DTNB: variants seen among roughly 807,000 people sequenced by gnomAD.
DTNB encodes DTN-B.
A neutral mutation model predicts 90.7 loss-of-function variants in DTNB; 63 were observed. That is an observed-to-expected ratio of 0.69 (90% CI 0.57 to 0.86). DTNB has a LOEUF of 0.86. Among genes scored for constraint, DTNB ranks in the 40% least tolerant of loss-of-function variants. The probability of loss-of-function intolerance (pLI) is 0.00; values close to 1 mark genes in which losing one functional copy is unlikely to be tolerated. For synonymous variants in DTNB, 277 were observed against 286.7 expected (o/e 0.97, Z 0.34); for missense variants, 744 against 807.1 (o/e 0.92, Z 0.95).
At chr2:25,458,067 T>C (rs2060322781) in intron 10 of DTNB, among the ~76,000 whole-genome samples, 1 of 152,076 alleles carries the variant, frequency 6.6e-6, no homozygotes, top group Non-Finnish European at 1.5e-5. Flanking sequence ...TCTCTTGACC[T>C]TGTGATCCAC....
chr2:25,500,660 A>C (rs2070370113), intron 9 of DTNB, among the ~76,000 whole-genome samples: 1 of 152,208 alleles, frequency 6.6e-6, no homozygotes, highest in Non-Finnish European at 1.5e-5. Flanking sequence ...TCAGCTGCAG[A>C]AGTAGTCCAG....
At chr2:25,541,097 T>G (rs1023074917) in intron 8 of DTNB, among the ~76,000 whole-genome samples, 8 of 144,500 alleles carry the variant, frequency 5.5e-5, no homozygotes, top group African/African-American at 2.0e-4. Flanking sequence ...ATTCATGGTA[T>G]AGAAAATAAT....
intron 12 of DTNB, among the ~76,000 whole-genome samples, chr2:25,435,662 T>C (rs923286980): frequency 2.0e-5 from 3 of 152,238 alleles, no homozygotes; most frequent in African/African-American, 7.2e-5. Flanking sequence ...TTTGGGTTGT[T>C]ACCACTTTTC....
chr2:25,431,079 T>C (rs1246626085), intron 14 of DTNB, among the ~76,000 whole-genome samples: 1 of 152,194 alleles, frequency 6.6e-6, no homozygotes, highest in Non-Finnish European at 1.5e-5. Flanking sequence ...CCTTTATGTG[T>C]CTTTTGATAA....
intron 9 of DTNB, among the ~76,000 whole-genome samples, chr2:25,527,528 A>G (rs1163633521): frequency 2.0e-5 from 3 of 152,164 alleles, no homozygotes; most frequent in Non-Finnish European, 4.4e-5. Context: ...TCAAAAAAAA[A>G]AGAGAAAGAA....
chr2:25,652,547 AAC>A, intron 2 of DTNB, 45 bp downstream of exon 2: 1 of 1,556,002 alleles, frequency 6.4e-7, no homozygotes, highest in Admixed American at 2.1e-5. Context: ...AAAAAAAAAA[AAC>A]CACACAAACA....
chr2:25,449,824 G>A (rs1405353511), intron 12 of DTNB, among the ~76,000 whole-genome samples: 3 of 149,202 alleles, frequency 2.0e-5, no homozygotes, highest in Non-Finnish European at 4.4e-5. Flanking sequence ...GTACAGTGGC[G>A]TGATCTTGGC....
At chr2:25,406,092 G>A (rs895851527) in intron 16 of DTNB, among the ~76,000 whole-genome samples, 21 of 152,064 alleles carry the variant, frequency 1.4e-4, no homozygotes, top group African/African-American at 5.1e-4. Flanking sequence ...GGCATCAGCA[G>A]AAGCAGGAAA....
At chr2:25,609,561 T>G (rs1467028493) in intron 4 of DTNB, among the ~76,000 whole-genome samples, 10 of 150,258 alleles carry the variant, frequency 6.7e-5, no homozygotes, top group Admixed American at 1.3e-4. Context: ...TAGCATCATC[T>G]CTTGTTGCCT....
At chr2:25,543,044 T>A (rs1034660305) in intron 8 of DTNB, among the ~76,000 whole-genome samples, 1 of 152,212 alleles carries the variant, frequency 6.6e-6, no homozygotes, top group Non-Finnish European at 1.5e-5. Flanking sequence ...AATTTTGTCT[T>A]TTTATCTTTG....
chr2:25,576,789 A>G (rs1040981912), intron 8 of DTNB, 49 bp downstream of exon 8: 1 of 1,545,412 alleles, frequency 6.5e-7, no homozygotes, highest in Non-Finnish European at 8.8e-7. Flanking sequence ...GCTGTTACTG[A>G]TCAAACAGAT....
At chr2:25,532,245 C>CAAAAAAAAAAAAAAAAAAA (rs11352371) in intron 8 of DTNB, among the ~76,000 whole-genome samples, 1 of 74,304 alleles carries the variant, frequency 1.3e-5, no homozygotes, top group Non-Finnish European at 2.9e-5. Flanking sequence ...AACTCTGTCT[C>CAAAAAAAAAAAAAAAAAAA]AAAAAAAAAA....
At chr2:25,431,426 T>C (rs1162354971) in intron 14 of DTNB, among the ~76,000 whole-genome samples, 3 of 152,218 alleles carry the variant, frequency 2.0e-5, no homozygotes, top group Admixed American at 6.5e-5. Context: ...GTTTTGTACA[T>C]AGGCATAGAA....
At chr2:25,632,192 C>CAA (rs71399307) in intron 3 of DTNB, among the ~76,000 whole-genome samples, 35,601 of 76,368 alleles carry the variant, frequency 0.47, 7,781 homozygotes, top group East Asian at 0.69. Flanking sequence ...GACTCTGTCT[C>CAA]AAAAAAAAAA....
At chr2:25,468,071 G>GGA (rs2062121182) in intron 10 of DTNB, among the ~76,000 whole-genome samples, 1 of 152,100 alleles carries the variant, frequency 6.6e-6, no homozygotes, top group African/African-American at 2.4e-5. Flanking sequence ...ATATCTGAGA[G>GGA]GAGTTCGGGA....
rs118109913 is a variant in DTNB, at chr2:25,559,019, T to C, written c.876+17819A>G. Reference sequence around the variant, plus strand: ...AAAAAGATGAACCCAGAGCCCTGCATGTTCCTGGCAACCAACACCCTCTCA... The same window carrying C: ...AAAAAGATGAACCCAGAGCCCTGCACGTTCCTGGCAACCAACACCCTCTCA... On this transcript the variant is annotated intron_variant, in intron 8 of 20. Transcript: ENST00000406818. Among the ~76,000 whole-genome samples the C allele has an allele frequency of 1.8e-3, 281 of 152,336 alleles. 5 individuals carry two copies. The East Asian group carries it at 0.028, about 15-fold the overall frequency.
At chr2:25,407,485 A>G (rs1413734104) in intron 16 of DTNB, among the ~76,000 whole-genome samples, 1 of 152,242 alleles carries the variant, frequency 6.6e-6, no homozygotes, top group Admixed American at 6.5e-5. Flanking sequence ...TGTTTACTGC[A>G]GCCCAGTTCA....
At chr2:25,417,328 A>G (rs2048229048) in intron 16 of DTNB, among the ~76,000 whole-genome samples, 1 of 152,186 alleles carries the variant, frequency 6.6e-6, no homozygotes, top group African/African-American at 2.4e-5. Context: ...CACAGAATGA[A>G]AGGTCACTGA....
chr2:25,521,273 T>C (rs911422336), intron 9 of DTNB, among the ~76,000 whole-genome samples: 2 of 152,050 alleles, frequency 1.3e-5, no homozygotes, highest in African/African-American at 4.8e-5. Context: ...TAGTAAATAA[T>C]ATAAGCTCTA....
Sources: gnomAD v4.1 joint callset for allele counts (sites outside exome capture counted in the v4.1 genomes callset) on GRCh38, gnomAD v4.1.1 for gene constraint, MANE v1.5 for transcripts, NCBI Gene and HGNC (gene_info 2026-07-23, HGNC 2026-07-21) for gene names.